OAS2: variants seen among roughly 807,000 people sequenced by gnomAD.
OAS2 encodes the protein 2'-5'-oligoadenylate synthetase 2.
In OAS2, 67 loss-of-function variants were observed where a neutral mutation model predicts 71.3. The ratio of observed to expected loss-of-function variants is 0.94; its 90% CI spans 0.77 to 1.15. The LOEUF (loss-of-function observed/expected upper bound fraction) is 1.15, where lower values mean the gene tolerates loss of function less well. Among genes scored for constraint, OAS2 ranks in the 50% most tolerant of loss-of-function variants. The pLI, the probability that OAS2 is intolerant of heterozygous loss-of-function variation, is 0.00. For missense variants in OAS2, 789 were observed against 822.5 expected (o/e 0.96, Z 0.50); for synonymous variants, 327 against 321.8 (o/e 1.02, Z -0.17).
intron 2 of OAS2, among the ~76,000 whole-genome samples, chr12:112,994,980 A>G (rs1049748451): frequency 6.6e-6 from 1 of 152,176 alleles, no homozygotes; most frequent in African/African-American, 2.4e-5. Context: ...TAAAGAACCC[A>G]CTTGCTCCCT....
rs1192405910 is a variant in OAS2, at chr12:113,009,625, C to T, written c.*370C>T. 32 of 997,116 alleles carry T rather than the reference C, an allele frequency of 3.2e-5. No individual in the cohort carries two copies. Among genetic ancestry groups the T allele is most frequent in the Non-Finnish European group, 3.6e-5 (30 of 838,230 alleles). 61.8% of individuals were successfully genotyped at this position (997,116 alleles called of 1,614,324 possible). A position where few individuals can be genotyped will look rare whatever the true frequency, so the allele number is the denominator to read the frequency against. On this transcript the variant is annotated 3_prime_UTR_variant, in exon 10 of 10. Transcript: ENST00000392583. The stretch of plus-strand genomic sequence containing the variant: ...ATTTGAGTACTTATGGCCCTGAAAG[C>T]GGCCACGGTGCCTCCAGATGGCAGG...
chr12:113,005,930 A>C (rs200820602), intron 7 of OAS2, among the ~76,000 whole-genome samples: 1,523 of 120,730 alleles, frequency 0.013, 30 homozygotes, highest in Non-Finnish European at 0.019. Flanking sequence ...AAAAAAAAAA[A>C]AAAAAAAAAA....
chr12:112,979,861 T>C (rs1311343713), intron 1 of OAS2, among the ~76,000 whole-genome samples: 1 of 152,184 alleles, frequency 6.6e-6, no homozygotes, highest in Non-Finnish European at 1.5e-5. Flanking sequence ...AATTATAGGG[T>C]GACCAACTAT....
chr12:112,979,127 C>T (rs1001392274), intron 1 of OAS2, among the ~76,000 whole-genome samples: 1 of 152,208 alleles, frequency 6.6e-6, no homozygotes, highest in Admixed American at 6.5e-5. Context: ...TTTCTTCTAT[C>T]CTCTCCACAG....
intron 4 of OAS2, 74 bp from the exon 5 acceptor site, chr12:112,998,192 C>T: frequency 6.5e-7 from 1 of 1,532,498 alleles, no homozygotes; most frequent in Non-Finnish European, 8.8e-7. Flanking sequence ...CCACTCCAGG[C>T]CTCTTTCCCC....
Position 112,987,030 on chromosome 12 carries a change from A to T in OAS2, c.178-8A>T. 2 of 1,599,668 alleles carry T rather than the reference A, an allele frequency of 1.3e-6. No homozygotes were observed. The highest frequency in any genetic ancestry group is 8.5e-7 in the Non-Finnish European group (1 of 1,170,566). On this transcript the variant is annotated splice_polypyrimidine_tract_variant and splice_region_variant and intron_variant, in intron 1 of 9. Transcript: ENST00000392583. The stretch of plus-strand genomic sequence containing the variant: ...AGTGTCTCATATCTGCTTCTTTGTC[A>T]CTGGCAGGGTGGCTCCTATGGACGG...
At position 113,009,239 on chromosome 12, in the gene OAS2, C is replaced by T. The variant is rs147522268; in HGVS notation, c.2048C>T (p.Pro683Leu). ...AACCCAATACCACCTTGGAAAGTGC[C>T]GGTAAAAGTCATCTAAAGGAGGCGT... ...TGNPIPPWKV[P>L]VKVI The change falls in exon 10 of 10, where the codon CCG (proline) becomes CTG (leucine). Residue 683 changes from proline to leucine, a missense_variant. Transcript: ENST00000392583. 3.8e-5 allele frequency: 61 copies of T among 1,613,630 alleles called. No homozygotes were observed. Among genetic ancestry groups the T allele is most frequent in the African/African-American group, 2.5e-4 (19 of 74,890 alleles).
chr12:112,983,991 CA>C (rs2044107294), intron 1 of OAS2, among the ~76,000 whole-genome samples: 5 of 152,054 alleles, frequency 3.3e-5, no homozygotes, highest in African/African-American at 1.2e-4. Context: ...AGACTAAGTC[CA>C]GTATTCTTTG....
chr12:112,999,427 C>T (rs1038777861), intron 5 of OAS2, among the ~76,000 whole-genome samples: 2 of 152,204 alleles, frequency 1.3e-5, no homozygotes, highest in African/African-American at 4.8e-5. Context: ...CAATCAAATT[C>T]CACAGTTCAC....
rs768169767 is a variant in OAS2 at position 112,997,643 on chromosome 12, G to T, written c.751G>T (p.Val251Leu). ...NFDIAEGVRT[V>L]LELIKCQEKL... ...TGACATTGCTGAAGGCGTCAGAACC[G>T]TACTGGAGCTGATCAAATGCCAGGA... The change falls in exon 4 of 10, where the codon GTA becomes TTA. Residue 251 changes from valine (V) to leucine (L), a missense_variant. Coordinates refer to ENST00000392583, the MANE Select transcript of OAS2 (RefSeq NM_002535.3). 6.2e-7 allele frequency: 1 copy of T among 1,614,108 alleles called. No homozygotes were observed. Among genetic ancestry groups the T allele is most frequent in the Non-Finnish European group, 8.5e-7 (1 of 1,179,990 alleles).
chr12:112,978,880 G>A lies in OAS2; in HGVS notation c.177+95G>A, dbSNP rs1382258275. The stretch of plus-strand genomic sequence containing the variant: ...TGGGTGCTGGGTGCCTATTATGTGC[G>A]AGGCCCACACTTGGGTGGGATGTGG... On this transcript the variant is annotated intron_variant, in intron 1 of 9. Transcript: ENST00000392583. The surrounding 1 kb of genome is among the most constrained non-coding windows in gnomAD (Gnocchi z 4.2). 4.1e-6 allele frequency: 5 copies of A among 1,226,014 alleles called. No individual in the cohort carries two copies. Among genetic ancestry groups the A allele is most frequent in the Non-Finnish European group, 5.7e-6 (5 of 883,398 alleles). 75.9% of individuals were successfully genotyped at this position (1,226,014 alleles called of 1,614,324 possible). A position where few individuals can be genotyped will look rare whatever the true frequency, so the allele number is the denominator to read the frequency against.
intron 8 of OAS2, among the ~76,000 whole-genome samples, 160 bp downstream of exon 8, chr12:113,006,760 C>T (rs1283138789): frequency 6.6e-6 from 1 of 152,192 alleles, no homozygotes; most frequent in African/African-American, 2.4e-5. Context: ...TAACCCTATT[C>T]ATTTGGGTCA....
chr12:112,980,792 C>T (rs957150643), intron 1 of OAS2, among the ~76,000 whole-genome samples: 4 of 152,136 alleles, frequency 2.6e-5, no homozygotes, highest in Non-Finnish European at 5.9e-5. Context: ...TAGAAACCTC[C>T]ATACTGTTTT....
At chr12:112,998,508 C>T in intron 5 of OAS2, 98 bp downstream of exon 5, 1 of 1,322,756 alleles carries the variant, frequency 7.6e-7, no homozygotes, top group Non-Finnish European at 1.0e-6. Context: ...TATTCGTTTC[C>T]TGTATTGCTG....
intron 2 of OAS2, chr12:112,988,455 G>A (rs768922651): frequency 8.8e-5 from 33 of 373,218 alleles, no homozygotes; most frequent in Non-Finnish European, 1.2e-4. Context: ...TTATTTGAAC[G>A]AGATTTGAAC....
chr12:113,006,624 C>A, intron 8 of OAS2, 24 bp downstream of exon 8: 1 of 1,501,484 alleles, frequency 6.7e-7, no homozygotes, highest in South Asian at 1.3e-5. Flanking sequence ...TTGTTCTGAC[C>A]ATGGGGTTAT....
chr12:112,987,589 C>CAAGTGTGTTTATCA (rs2044151611), intron 2 of OAS2: 1 of 1,267,160 alleles, frequency 7.9e-7, no homozygotes, highest in South Asian at 3.3e-5. Context: ...TCACCTGGAA[C>CAAGTGTGTTTATCA]CTTGTTAAAA....
chr12:113,010,501 G>A lies in OAS2; in HGVS notation c.*1246G>A, dbSNP rs374849347. 93 of 1,610,126 alleles carry A rather than the reference G, an allele frequency of 5.8e-5. No homozygotes were observed. Among genetic ancestry groups the A allele is most frequent in the Middle Eastern group, 1.7e-4 (1 of 6,044 alleles). On this transcript the variant is annotated 3_prime_UTR_variant, in exon 10 of 10. Coordinates refer to ENST00000392583, the MANE Select transcript of OAS2 (RefSeq NM_002535.3). ...AACTTCTAGAGATCATCTGGCAATCGCTTTTAAAGACTCGGCTCACCGTGA... is the reference window on the plus strand; with the variant it reads ...AACTTCTAGAGATCATCTGGCAATCACTTTTAAAGACTCGGCTCACCGTGA...
intron 5 of OAS2, among the ~76,000 whole-genome samples, chr12:113,001,274 C>A (rs1477554332): frequency 6.6e-6 from 1 of 151,856 alleles, no homozygotes; most frequent in Non-Finnish European, 1.5e-5. Flanking sequence ...TTGCAGTGAG[C>A]CATGATTGTG....
Sources: gnomAD v4.1 joint callset for allele counts (sites outside exome capture counted in the v4.1 genomes callset) on GRCh38, gnomAD v4.1.1 for gene constraint, Gnocchi (gnomAD v3.1) non-coding constraint, MANE v1.5 for transcripts, NCBI Gene and HGNC (gene_info 2026-07-23, HGNC 2026-07-21) for gene names.